PCDH9: variants seen among roughly 807,000 people sequenced by gnomAD.
PCDH9 encodes protocadherin-9.
In PCDH9, 24 loss-of-function variants were observed where a neutral mutation model predicts 70.6. The observed-to-expected ratio is 0.34, with a 90% CI of 0.25 to 0.48. The LOEUF (loss-of-function observed/expected upper bound fraction) is 0.48. PCDH9 is among the 20% of genes least tolerant of loss of function. The pLI is 0.99. For missense variants in PCDH9, 1,281 were observed against 1,503.6 expected (o/e 0.85, Z 2.45); for synonymous variants, 562 against 558.5 (o/e 1.01, Z -0.09).
intron 2 of PCDH9, among the ~76,000 whole-genome samples, chr13:67,072,294 T>TCATTCTAGAGGGGTCTTAC (rs2138158040): frequency 6.6e-6 from 1 of 152,198 alleles, no homozygotes; most frequent in African/African-American, 2.4e-5. Flanking sequence ...CATAAAACCC[T>TCATTCTAGAGGGGTCTTAC]CATTCTAGAA....
At chr13:67,122,666 T>C (rs1328129731) in intron 2 of PCDH9, among the ~76,000 whole-genome samples, 1 of 151,546 alleles carries the variant, frequency 6.6e-6, no homozygotes, top group Non-Finnish European at 1.5e-5. Flanking sequence ...CCCAGCTACT[T>C]GGGAAGCTGA....
intron 3 of PCDH9, among the ~76,000 whole-genome samples, chr13:66,779,696 C>T (rs547992317): frequency 1.3e-5 from 2 of 151,894 alleles, no homozygotes; most frequent in South Asian, 4.2e-4. Flanking sequence ...TGGCATGCTT[C>T]TGTAGTCCCA....
intron 4 of PCDH9, among the ~76,000 whole-genome samples, chr13:66,388,781 T>C (rs921305921): frequency 6.6e-6 from 1 of 152,148 alleles, no homozygotes; most frequent in African/African-American, 2.4e-5. Flanking sequence ...TTTTCACAAA[T>C]GTGGTCAGGC....
intron 2 of PCDH9, among the ~76,000 whole-genome samples, chr13:67,019,188 CTTTTTTTT>C (rs60154161): frequency 9.7e-6 from 1 of 102,728 alleles, no homozygotes; most frequent in Non-Finnish European, 1.8e-5. Context: ...GGCAGTTGCT[CTTTTTTTT>C]TTTTTTTTTT....
At chr13:66,766,324 G>T (rs2079717442) in intron 3 of PCDH9, among the ~76,000 whole-genome samples, 1 of 151,970 alleles carries the variant, frequency 6.6e-6, no homozygotes, top group African/African-American at 2.4e-5. Flanking sequence ...AGAAGAGGCT[G>T]TTCCTTGGAA....
chr13:66,988,569 G>C (rs1450142684), intron 2 of PCDH9, among the ~76,000 whole-genome samples: 1 of 151,968 alleles, frequency 6.6e-6, no homozygotes, highest in African/African-American at 2.4e-5. Flanking sequence ...TGCTATATAA[G>C]GTTGTGATTG....
chr13:67,019,880 T>A (rs1224089782), intron 2 of PCDH9, among the ~76,000 whole-genome samples: 1 of 152,192 alleles, frequency 6.6e-6, no homozygotes, highest in African/African-American at 2.4e-5. Flanking sequence ...TGTATTGCAG[T>A]TAACTGGGAG....
chr13:66,472,013 C>G (rs564818835), intron 4 of PCDH9, among the ~76,000 whole-genome samples: 3 of 151,806 alleles, frequency 2.0e-5, no homozygotes, highest in Admixed American at 6.6e-5. Context: ...GAGTTCGAAA[C>G]GAGCTTGGTC....
At chr13:66,847,434 A>G (rs2081231226) in intron 3 of PCDH9, among the ~76,000 whole-genome samples, 3 of 152,202 alleles carry the variant, frequency 2.0e-5, no homozygotes, top group Non-Finnish European at 2.9e-5. Context: ...CTGTACATAC[A>G]TACATAATAA....
chr13:66,678,548 C>T lies in PCDH9; in HGVS notation c.3139-47137G>A, dbSNP rs190110307. The stretch of plus-strand genomic sequence containing the variant: ...AATACCTATTTTACAGAATTGGAAG[C>T]CAAGTTTCAGAGTGACTGAGTAACT... On this transcript the variant is annotated intron_variant, in intron 3 of 4. Coordinates refer to ENST00000377865, the MANE Select transcript of PCDH9 (RefSeq NM_203487.3). 2.0e-4 allele frequency among the ~76,000 whole-genome samples: 30 copies of T among 152,006 alleles called. No individual in the cohort carries two copies. The East Asian group carries it at 5.8e-3, about 29-fold the overall frequency.
At chr13:67,191,297 C>T (rs985477806) in intron 2 of PCDH9, among the ~76,000 whole-genome samples, 7 of 152,066 alleles carry the variant, frequency 4.6e-5, no homozygotes, top group African/African-American at 1.4e-4. Context: ...GTACATTCCT[C>T]GAAAATATAA....
chr13:66,436,045 A>T (rs1957863548), intron 4 of PCDH9, among the ~76,000 whole-genome samples: 1 of 152,194 alleles, frequency 6.6e-6, no homozygotes, highest in African/African-American at 2.4e-5. Context: ...CCTAGTAATC[A>T]TAATAAATCT....
chr13:66,816,364 A>C (rs914842487), intron 3 of PCDH9, among the ~76,000 whole-genome samples: 3 of 152,178 alleles, frequency 2.0e-5, no homozygotes, highest in Non-Finnish European at 4.4e-5. Context: ...CAGTAGGATT[A>C]TGATCAATTG....
At chr13:66,371,112 C>T (rs1956643482) in intron 4 of PCDH9, among the ~76,000 whole-genome samples, 1 of 151,954 alleles carries the variant, frequency 6.6e-6, no homozygotes, top group East Asian at 1.9e-4. Context: ...ATGTAAGATG[C>T]TTTTTTAAAA....
intron 2 of PCDH9, among the ~76,000 whole-genome samples, chr13:67,002,831 A>T (rs1380079115): frequency 6.6e-6 from 1 of 152,110 alleles, no homozygotes; most frequent in African/African-American, 2.4e-5. Context: ...AAAATGGGAC[A>T]TATTGACCAG....
In PCDH9 at chr13:67,093,001, C is replaced by A. The variant is rs1490722780; in HGVS notation, c.3036+132404G>T. 2.6e-5 allele frequency among the ~76,000 whole-genome samples: 4 copies of A among 152,218 alleles called. No homozygotes were observed. The South Asian group carries it at 8.3e-4, about 32-fold the overall frequency. ...GTAACTTCTAAACTAAGTAGCTATG[C>A]AATATCAGTTATCACCCTGATAGGT... On this transcript the variant is annotated intron_variant, in intron 2 of 4. Coordinates refer to ENST00000377865, the MANE Select transcript of PCDH9 (RefSeq NM_203487.3).
intron 2 of PCDH9, among the ~76,000 whole-genome samples, chr13:66,944,588 T>A (rs1860914787): frequency 6.6e-6 from 1 of 152,102 alleles, no homozygotes; most frequent in Non-Finnish European, 1.5e-5. Flanking sequence ...AAAAGTTTGA[T>A]CCCTCCCATT....
intron 3 of PCDH9, among the ~76,000 whole-genome samples, chr13:66,779,466 T>G (rs888710932): frequency 3.9e-5 from 6 of 152,106 alleles, no homozygotes; most frequent in Non-Finnish European, 8.8e-5. Context: ...TTATGCTAAG[T>G]GAAGTAAGCT....
intron 4 of PCDH9, among the ~76,000 whole-genome samples, chr13:66,474,924 A>G (rs1156706801): frequency 1.3e-5 from 2 of 152,064 alleles, no homozygotes; most frequent in African/African-American, 2.4e-5. Context: ...ATGAATTTCA[A>G]TGTTATCCCA....
Sources: gnomAD v4.1 joint callset for allele counts (sites outside exome capture counted in the v4.1 genomes callset) on GRCh38, gnomAD v4.1.1 for gene constraint, MANE v1.5 for transcripts, NCBI Gene and HGNC (gene_info 2026-07-23, HGNC 2026-07-21) for gene names.